CRB1: variants seen among roughly 807,000 people sequenced by gnomAD.
CRB1 encodes the protein protein crumbs homolog 1.
A neutral mutation model predicts 120.0 loss-of-function variants in CRB1; 83 were observed. The ratio of observed to expected loss-of-function variants is 0.69; its 90% CI spans 0.58 to 0.83. CRB1 has a LOEUF of 0.83. CRB1 is among the 40% of genes least tolerant of loss of function. The pLI, the probability that CRB1 is intolerant of heterozygous loss-of-function variation, is 0.00. For synonymous variants in CRB1, 625 were observed against 612.5 expected (o/e 1.02, Z -0.30); for missense variants, 1,699 against 1,687.6 (o/e 1.01, Z -0.12).
intron 11 of CRB1, among the ~76,000 whole-genome samples, chr1:197,470,754 A>G (rs910475540): frequency 3.3e-5 from 5 of 152,218 alleles, no homozygotes; most frequent in African/African-American, 1.2e-4. Flanking sequence ...ATTTTTACAG[A>G]TCTAATGCCT....
intron 1 of CRB1, chr1:197,304,419 T>C: frequency 1.0e-5 from 10 of 977,552 alleles, no homozygotes; most frequent in Non-Finnish European, 1.2e-5. Flanking sequence ...GAAAGGTAAA[T>C]GTATGTCCTG....
intron 11 of CRB1, among the ~76,000 whole-genome samples, chr1:197,461,133 T>G (rs1666510886): frequency 6.6e-6 from 1 of 152,160 alleles, no homozygotes. Context: ...GCCACTTAAT[T>G]ACCAATATAA....
intron 4 of CRB1, among the ~76,000 whole-genome samples, chr1:197,349,720 C>G (rs1437198447): frequency 2.6e-5 from 4 of 152,188 alleles, no homozygotes; most frequent in Non-Finnish European, 4.4e-5. Context: ...AATGCTGTGG[C>G]TTGGAAATCT....
chr1:197,378,698 T>G (rs1463810350), intron 5 of CRB1, among the ~76,000 whole-genome samples: 2 of 147,602 alleles, frequency 1.4e-5, no homozygotes, highest in South Asian at 4.4e-4. Flanking sequence ...TGTATATGTT[T>G]ATTGCTTTTT....
intron 8 of CRB1, among the ~76,000 whole-genome samples, chr1:197,432,391 CACACACACACACAT>C (rs1388875058): frequency 3.4e-5 from 5 of 146,920 alleles, no homozygotes; most frequent in Non-Finnish European, 7.4e-5. Flanking sequence ...CACACACACA[CACACACACACACAT>C]AGTAAAAAAC....
At chr1:197,450,173 A>G (rs536049533) in intron 11 of CRB1, among the ~76,000 whole-genome samples, 6 of 152,270 alleles carry the variant, frequency 3.9e-5, no homozygotes, top group Admixed American at 3.9e-4. Flanking sequence ...TTATATGCCG[A>G]AGGGTTACTC....
At chr1:197,277,845 T>C (rs1655301516) in intron 1 of CRB1, among the ~76,000 whole-genome samples, 1 of 151,924 alleles carries the variant, frequency 6.6e-6, no homozygotes, top group African/African-American at 2.4e-5. Flanking sequence ...CCACGTTTTT[T>C]CAAGGCCTAC....
chr1:197,213,755 A>C, the CRB1 span, among the ~76,000 whole-genome samples: 2 of 152,196 alleles, frequency 1.3e-5, no homozygotes, highest in Admixed American at 6.5e-5. Context: ...AAACATATGA[A>C]GATTAAGCAA....
chr1:197,468,982 A>G (rs1163744060), intron 11 of CRB1, among the ~76,000 whole-genome samples: 1 of 151,210 alleles, frequency 6.6e-6, no homozygotes, highest in African/African-American at 2.4e-5. Context: ...CTCTGCTGGA[A>G]CCCCCCGGCC....
chr1:197,389,712 T>TAA (rs80258021), intron 5 of CRB1, among the ~76,000 whole-genome samples: 1 of 151,814 alleles, frequency 6.6e-6, no homozygotes, highest in Non-Finnish European at 1.5e-5. Context: ...TTTACCACAA[T>TAA]AAAAAAATTG....
chr1:197,332,483 T>G (rs920351353), intron 2 of CRB1, among the ~76,000 whole-genome samples: 3 of 152,196 alleles, frequency 2.0e-5, no homozygotes, highest in Non-Finnish European at 4.4e-5. Flanking sequence ...GAAAACAGAA[T>G]TTAAACAAGA....
intron 7 of CRB1, 140 bp downstream of exon 7, chr1:197,428,141 T>C (rs1362996640): frequency 1.3e-6 from 1 of 784,800 alleles, no homozygotes. Flanking sequence ...TTCATCTATA[T>C]TGTTCCAACA....
At chr1:197,277,739 G>T (rs973878682) in intron 1 of CRB1, among the ~76,000 whole-genome samples, 9 of 151,720 alleles carry the variant, frequency 5.9e-5, no homozygotes, top group African/African-American at 2.2e-4. Context: ...TCTGGCTCTG[G>T]CCCACAATTA....
chr1:197,279,786 C>G (rs922511759), intron 1 of CRB1, among the ~76,000 whole-genome samples: 60 of 151,406 alleles, frequency 4.0e-4, no homozygotes, highest in African/African-American at 1.4e-3. Flanking sequence ...TACCCCCTAC[C>G]CTTTTATTCT....
At chr1:197,266,841 AT>A (rs555856769), upstream of CRB1, among the ~76,000 whole-genome samples, 4 of 150,912 alleles carry the variant, frequency 2.7e-5, no homozygotes, top group South Asian at 2.1e-4. Context: ...GAGTCTATTC[AT>A]TTTTTTTTCC....
chr1:197,256,877 G>A, the CRB1 span, among the ~76,000 whole-genome samples: 1 of 146,284 alleles, frequency 6.8e-6, no homozygotes, highest in Non-Finnish European at 1.5e-5. Flanking sequence ...TAGGGAAAAA[G>A]ATATATTTAG....
intron 5 of CRB1, among the ~76,000 whole-genome samples, chr1:197,377,751 T>A (rs754182437): frequency 6.6e-6 from 1 of 152,236 alleles, no homozygotes; most frequent in Admixed American, 6.5e-5. Flanking sequence ...AATTCAAAGA[T>A]ATTATATGAG....
At chr1:197,292,568 C>T (rs1656252537) in intron 1 of CRB1, among the ~76,000 whole-genome samples, 1 of 152,076 alleles carries the variant, frequency 6.6e-6, no homozygotes, top group Non-Finnish European at 1.5e-5. Flanking sequence ...ATGAGGCCAG[C>T]ATCATCCTGA....
intron 1 of CRB1, among the ~76,000 whole-genome samples, chr1:197,314,581 A>T (rs937842873): frequency 6.6e-6 from 1 of 152,196 alleles, no homozygotes; most frequent in African/African-American, 2.4e-5. Context: ...GGGGTTCCTG[A>T]TTATGTTAAC....
Sources: allele counts gnomAD v4.1 joint callset (sites outside exome capture counted in the v4.1 genomes callset), GRCh38; gene constraint gnomAD v4.1.1; transcripts MANE v1.5; gene names NCBI Gene and HGNC (gene_info 2026-07-23, HGNC 2026-07-21).